Variants in DST observed in about 807,000 individuals in gnomAD.
The protein encoded by DST is dystonin, also known as bullous pemphigoid antigen.
DST carries 253 observed loss-of-function variants against 875.2 expected under a neutral mutation model. The ratio of observed to expected loss-of-function variants is 0.29; its 90% confidence interval spans 0.26 to 0.32. DST has a LOEUF of 0.32. DST is among the 10% of genes least tolerant of loss of function. The pLI is 1.00. For synonymous variants in DST, 3,124 were observed against 3,197.1 expected (o/e 0.98, Z 0.77); for missense variants, 8,287 against 9,111.6 (o/e 0.91, Z 3.68).
At chr6:56,824,145 ATTGC>A (rs1268540922) in intron 4 of DST, among the ~76,000 whole-genome samples, 10 of 151,458 alleles carry the variant, frequency 6.6e-5, no homozygotes, top group Non-Finnish European at 1.5e-5. Flanking sequence ...AGTGCCTGCG[ATTGC>A]AGGCGCGCGC....
intron 49 of DST, among the ~76,000 whole-genome samples, chr6:56,588,550 G>T (rs2098209231): frequency 6.6e-6 from 1 of 152,068 alleles, no homozygotes; most frequent in Non-Finnish European, 1.5e-5. Flanking sequence ...ATCCCTTTTG[G>T]CTTTCTATTA....
chr6:56,671,409 C>T (rs1490939404), intron 9 of DST, among the ~76,000 whole-genome samples: 1 of 152,204 alleles, frequency 6.6e-6, no homozygotes, highest in Non-Finnish European at 1.5e-5. Context: ...ATAGTATTCT[C>T]TCCTATATAA....
Position 56,603,947 on chromosome 6 carries a change from T to C in DST, c.10681A>G (p.Thr3561Ala), listed in dbSNP as rs2098470681. 6.2e-7 allele frequency: 1 copy of C among 1,611,544 alleles called. No homozygotes were observed. Among genetic ancestry groups the C allele is most frequent in the Non-Finnish European group, 8.5e-7 (1 of 1,178,624 alleles). ...GLESSTVWAS[T>A]LPRDEKLKDL... is the part of the protein sequence containing the mutation. ...TTGAGCTTCTCATCTCTTGGCAATG[T>C]TGATGCCCACACAGTAGAGCTTTCT... The change falls in exon 40 of 104, where the codon ACA (threonine) becomes GCA (alanine). Residue 3561 changes from threonine to alanine, a missense_variant. Physicochemically the swap from Thr to Ala is moderately conservative, Grantham distance 58. Around this residue, in one of 10 missense-constraint regions of DST, gnomAD observed 3,138 missense variants for 3,116.6 expected, o/e 1.01. Transcript: ENST00000680361.
chr6:56,516,077 T>G (rs942009424), intron 71 of DST, among the ~76,000 whole-genome samples: 1 of 151,546 alleles, frequency 6.6e-6, no homozygotes, highest in Non-Finnish European at 1.5e-5. Flanking sequence ...CACATATATA[T>G]GTGTATATGT....
At chr6:56,759,673 G>A (rs1351579063) in intron 4 of DST, among the ~76,000 whole-genome samples, 1 of 151,946 alleles carries the variant, frequency 6.6e-6, no homozygotes, top group Admixed American at 6.6e-5. Context: ...TCCCTTCCTG[G>A]TTTGGTGCAC....
At chr6:56,599,164 CTG>C (rs1379985607) in intron 45 of DST, among the ~76,000 whole-genome samples, 1 of 152,056 alleles carries the variant, frequency 6.6e-6, no homozygotes, top group Admixed American at 6.6e-5. Flanking sequence ...ACACCAGAAT[CTG>C]TAATATGTAA....
At chr6:56,600,331 A>G in intron 44 of DST, 110 bp from the exon 45 acceptor site, 1 of 1,030,108 alleles carries the variant, frequency 9.7e-7, no homozygotes, top group East Asian at 2.4e-5. Flanking sequence ...ATAAGCTTTT[A>G]TAAGTATGCT....
rs897722293 is a variant in DST at position 56,506,466 on chromosome 6, C to T, written c.19441G>A (p.Val6481Ile). The stretch of plus-strand genomic sequence containing the variant: ...ACCTGCAGTCCATCCTGGTACTGAA[C>T]GGCAGCCTGCATTGCCTCCTCAAGT... Reference protein sequence around the residue: ...DKLEEAMQAAVQYQDGLQAVF... With the variant: ...DKLEEAMQAAIQYQDGLQAVF... The change falls in exon 77 of 104, where the codon GTT (valine) becomes ATT (isoleucine). Residue 6481 changes from valine to isoleucine, a missense_variant. Val to Ile is a conservative substitution (Grantham distance 29). This residue lies in a region of DST where 1,292 missense variants were observed against 1,552.7 expected (regional missense o/e 0.83). Transcript: ENST00000680361. 23 of 1,612,578 alleles carry T rather than the reference C, an allele frequency of 1.4e-5. No homozygotes were observed. Among genetic ancestry groups the T allele is most frequent in the Admixed American group, 8.4e-5 (5 of 59,846 alleles).
chr6:56,906,912 G>A (rs1289633309), intron 2 of DST, among the ~76,000 whole-genome samples: 1 of 152,110 alleles, frequency 6.6e-6, no homozygotes, highest in Non-Finnish European at 1.5e-5. Context: ...ACAGATGTGA[G>A]GTGATAGCTC....
At chr6:56,490,489 C>G (rs564728266) in intron 85 of DST, among the ~76,000 whole-genome samples, 6 of 152,104 alleles carry the variant, frequency 3.9e-5, no homozygotes, top group East Asian at 1.9e-4. Context: ...GAAATAACAA[C>G]AAGATATTTA....
At chr6:56,721,047 A>G (rs1170232210) in intron 5 of DST, among the ~76,000 whole-genome samples, 2 of 146,776 alleles carry the variant, frequency 1.4e-5, no homozygotes, top group Non-Finnish European at 3.0e-5. Flanking sequence ...CAGACAGGGC[A>G]GCTGCCGGGC....
Position 56,647,981 on chromosome 6 carries a change from CG to C in DST, c.1554+588del, listed in dbSNP as rs1563443533. Among the ~76,000 whole-genome samples, 16 of 152,228 alleles carry C rather than the reference CG, an allele frequency of 1.1e-4. No homozygotes were observed. In the South Asian group the frequency reaches 3.3e-3, roughly 32 times the overall value. On this transcript the variant is annotated intron_variant, in intron 13 of 103. Transcript: ENST00000680361. Reference sequence around the variant, plus strand: ...GATTACGGGTGTGACCCACCGCACCCGGCCTATAATGGCTTTTATATCTGCA... The same window carrying C: ...GATTACGGGTGTGACCCACCGCACCCGCCTATAATGGCTTTTATATCTGCA...
intron 4 of DST, among the ~76,000 whole-genome samples, chr6:56,763,684 T>TACACACAC (rs553580754): frequency 0.098 from 11,458 of 116,840 alleles, 830 homozygotes; most frequent in East Asian, 0.34. Context: ...AAAATACCTA[T>TACACACAC]ACACACACAC....
intron 63 of DST, 63 bp from the exon 64 acceptor site, chr6:56,532,573 G>T: frequency 7.1e-7 from 1 of 1,399,054 alleles, no homozygotes; most frequent in Non-Finnish European, 9.7e-7. Context: ...AAAGTACAAT[G>T]TATTCTAAGT....
At chr6:56,615,364 T>A in intron 36 of DST, 6 of 1,495,708 alleles carry the variant, frequency 4.0e-6, no homozygotes, top group Non-Finnish European at 5.3e-6. Context: ...TAAAACTTAC[T>A]CTATTTTGAG....
chr6:56,504,079 T>G lies in DST; in HGVS notation c.19484A>C (p.Asp6495Ala). 1 of 1,609,492 alleles carries G rather than the reference T, an allele frequency of 6.2e-7. No homozygotes were observed. Among genetic ancestry groups the G allele is most frequent in the Non-Finnish European group, 8.5e-7 (1 of 1,178,022 alleles). Reference sequence around the variant, plus strand: ...TGAAGCTAATTTACCACCTGCAATATCTACCCAGTCAAATACCGCCTGAAA... The same window carrying G: ...TGAAGCTAATTTACCACCTGCAATAGCTACCCAGTCAAATACCGCCTGAAA... ...DGLQAVFDWV[D>A]IAGGKLASMS... The change falls in exon 78 of 104, where the codon GAT becomes GCT. Residue 6495 changes from aspartate (D) to alanine (A), a missense_variant. By Grantham distance (126) the Asp-to-Ala change is moderately radical. Coordinates refer to ENST00000680361, the MANE Select transcript of DST (RefSeq NM_001374736.1).
At chr6:56,582,401 C>T (rs1410981694) in intron 49 of DST, among the ~76,000 whole-genome samples, 1 of 152,050 alleles carries the variant, frequency 6.6e-6, no homozygotes, top group Non-Finnish European at 1.5e-5. Context: ...CCACCTCTCT[C>T]CCTCTCTCTC....
At chr6:56,533,005 A>C (rs2096923474) in intron 63 of DST, among the ~76,000 whole-genome samples, 1 of 152,218 alleles carries the variant, frequency 6.6e-6, no homozygotes, top group African/African-American at 2.4e-5. Context: ...TTCACAAGTT[A>C]ACAAGGCTAA....
intron 5 of DST, among the ~76,000 whole-genome samples, chr6:56,722,175 C>T (rs2099419395): frequency 6.6e-6 from 1 of 151,890 alleles, no homozygotes; most frequent in African/African-American, 2.4e-5. Flanking sequence ...AGACCCCTGT[C>T]CAAAGGCTCC....
Sources: allele counts gnomAD v4.1 joint callset (sites outside exome capture counted in the v4.1 genomes callset), GRCh38; gene constraint gnomAD v4.1.1; regional missense constraint gnomAD v4.1.1; transcripts MANE v1.5; gene names NCBI Gene and HGNC (gene_info 2026-07-23, HGNC 2026-07-21).